The following CAMK4 variants were observed in gnomAD, a reference collection of about 807,000 sequenced individuals.
The protein encoded by CAMK4 is calcium/calmodulin-dependent protein kinase type IV.
A neutral mutation model predicts 44.9 loss-of-function variants in CAMK4; 22 were observed. The observed-to-expected ratio is 0.49, with a 90% CI of 0.35 to 0.70. The LOEUF (loss-of-function observed/expected upper bound fraction) is 0.70. CAMK4 is among the 30% of genes least tolerant of loss of function. CAMK4 has a pLI of 0.01. For synonymous variants in CAMK4, 218 were observed against 215.4 expected, an observed-to-expected ratio of 1.01 and a Z score of -0.11; for missense variants, 498 against 586.8, an observed-to-expected ratio of 0.85 and a Z score of 1.56.
chr5:111,472,497 A>G (rs1755099454), intron 7 of CAMK4, among the ~76,000 whole-genome samples: 1 of 152,152 alleles, frequency 6.6e-6, no homozygotes, highest in African/African-American at 2.4e-5. Context: ...AATTAGGCAA[A>G]CAAATAACAC....
chr5:111,445,448 A>T (rs1753992328), intron 5 of CAMK4, among the ~76,000 whole-genome samples: 1 of 151,582 alleles, frequency 6.6e-6, no homozygotes, highest in Admixed American at 6.6e-5. Flanking sequence ...TTTTCTTTTG[A>T]GACAGGGTCT....
At chr5:111,242,943 G>A (rs565686407) in intron 1 of CAMK4, among the ~76,000 whole-genome samples, 1 of 152,306 alleles carries the variant, frequency 6.6e-6, no homozygotes, top group African/African-American at 2.4e-5. Flanking sequence ...GATGCAGGCA[G>A]CCTGATGCTC....
At chr5:111,238,971 C>G (rs182680141) in intron 1 of CAMK4, among the ~76,000 whole-genome samples, 1 of 151,888 alleles carries the variant, frequency 6.6e-6, no homozygotes, top group African/African-American at 2.4e-5. Context: ...GCATCCGTAC[C>G]TGTTGGCTTT....
chr5:111,408,898 C>A (rs1332421364), intron 5 of CAMK4, among the ~76,000 whole-genome samples: 1 of 152,178 alleles, frequency 6.6e-6, no homozygotes, highest in African/African-American at 2.4e-5. Context: ...TCCTTTGACT[C>A]CTTGTCTCAC....
At chr5:111,314,647 A>G (rs1748346073) in intron 1 of CAMK4, among the ~76,000 whole-genome samples, 1 of 152,096 alleles carries the variant, frequency 6.6e-6, no homozygotes, top group Non-Finnish European at 1.5e-5. Context: ...CACCAATATA[A>G]TGATATACCC....
chr5:111,388,726 C>A (rs1255408127), intron 4 of CAMK4, among the ~76,000 whole-genome samples: 2 of 152,148 alleles, frequency 1.3e-5, no homozygotes, highest in African/African-American at 4.8e-5. Context: ...GTCCAGTTCA[C>A]TACTGAGTGG....
chr5:111,322,642 G>C (rs1748709766), intron 1 of CAMK4, among the ~76,000 whole-genome samples: 1 of 151,932 alleles, frequency 6.6e-6, no homozygotes, highest in Non-Finnish European at 1.5e-5. Context: ...TTGTGACCTA[G>C]AATCAGGGTG....
At chr5:111,476,965 A>T (rs1031810944) in intron 8 of CAMK4, among the ~76,000 whole-genome samples, 2 of 152,214 alleles carry the variant, frequency 1.3e-5, no homozygotes, top group African/African-American at 2.4e-5. Context: ...CTAGATTTTC[A>T]GAAGGGGAAA....
In CAMK4 at chr5:111,482,723, C is replaced by T. The variant is rs3733995; in HGVS notation, c.829-62C>T. On this transcript the variant is annotated intron_variant, in intron 9 of 10. Coordinates refer to ENST00000282356, the MANE Select transcript of CAMK4 (RefSeq NM_001744.6). The surrounding 1 kb of genome is among the most constrained non-coding windows in gnomAD (Gnocchi z 4.9). ...GGAATAAGATCTGGAAGTTTGTAAG[C>T]TGAGGGCAAGCCCAGGTCATCCTAA... 0.18 allele frequency: 248,480 copies of T among 1,350,758 alleles called. 24,773 individuals are homozygous for T. Among genetic ancestry groups the T allele is most frequent in the African/African-American group, 0.25 (16,869 of 67,524 alleles). 83.7% of individuals were successfully genotyped at this position (1,350,758 alleles called of 1,614,324 possible).
chr5:111,281,509 C>G (rs926681409), intron 1 of CAMK4, among the ~76,000 whole-genome samples: 3 of 152,088 alleles, frequency 2.0e-5, no homozygotes, highest in African/African-American at 7.2e-5. Flanking sequence ...CATATCATTC[C>G]TCTCTCTCTA....
At chr5:111,300,517 T>A (rs1207205375) in intron 1 of CAMK4, among the ~76,000 whole-genome samples, 2 of 152,242 alleles carry the variant, frequency 1.3e-5, no homozygotes, top group African/African-American at 4.8e-5. Flanking sequence ...AGAAAAAAAT[T>A]TAAATTAATG....
intron 4 of CAMK4, among the ~76,000 whole-genome samples, chr5:111,392,409 C>T (rs930627833): frequency 6.6e-6 from 1 of 152,150 alleles, no homozygotes; most frequent in African/African-American, 2.4e-5. Context: ...ATGATCCAAT[C>T]ACCTCCCACT....
At chr5:111,471,686 T>A (rs1755071430) in intron 7 of CAMK4, among the ~76,000 whole-genome samples, 1 of 152,216 alleles carries the variant, frequency 6.6e-6, no homozygotes, top group Admixed American at 6.5e-5. Flanking sequence ...ATTGTGAAAT[T>A]CATGCATAAT....
intron 5 of CAMK4, among the ~76,000 whole-genome samples, chr5:111,412,355 C>T (rs73787168): frequency 0.031 from 4,770 of 152,214 alleles, 261 homozygotes; most frequent in African/African-American, 0.11. Flanking sequence ...TAAAAGACTC[C>T]ATGTCTCATT....
At chr5:111,479,522 T>C (rs1325936167) in intron 9 of CAMK4, among the ~76,000 whole-genome samples, 2 of 152,142 alleles carry the variant, frequency 1.3e-5, no homozygotes, top group Admixed American at 1.3e-4. Flanking sequence ...AGGTTAGATA[T>C]AGAAGAGGTC....
intron 4 of CAMK4, among the ~76,000 whole-genome samples, chr5:111,387,325 T>C (rs1751639413): frequency 6.6e-6 from 1 of 152,186 alleles, no homozygotes; most frequent in Non-Finnish European, 1.5e-5. Context: ...TTGGCAAATT[T>C]TTTGAGATGC....
intron 5 of CAMK4, among the ~76,000 whole-genome samples, chr5:111,435,575 C>A (rs1338098317): frequency 6.6e-6 from 1 of 152,172 alleles, no homozygotes; most frequent in East Asian, 1.9e-4. Context: ...GGGCCAAGGT[C>A]AAGATCCCCA....
intron 5 of CAMK4, among the ~76,000 whole-genome samples, chr5:111,412,204 C>A (rs1243530187): frequency 6.6e-6 from 1 of 152,024 alleles, no homozygotes; most frequent in African/African-American, 2.4e-5. Flanking sequence ...AGAAAAGATG[C>A]CACTAATAAG....
rs532042902 is a variant in CAMK4 at position 111,385,414 on chromosome 5, T to C, written c.386+8472T>C. On this transcript the variant is annotated intron_variant, in intron 4 of 10. Coordinates refer to ENST00000282356, the MANE Select transcript of CAMK4 (RefSeq NM_001744.6). ...GAAGGAAGGGCCTATTGTGGCAAAA[T>C]GATGTTCAAAAGCACAATTGTACAC... Among the ~76,000 whole-genome samples the C allele has an allele frequency of 2.0e-5, 3 of 152,144 alleles. No individual in the cohort carries two copies. In the East Asian group the frequency reaches 5.8e-4, roughly 29 times the overall value.
Sources: allele counts gnomAD v4.1 joint callset (sites outside exome capture counted in the v4.1 genomes callset), GRCh38; gene constraint gnomAD v4.1.1; non-coding constraint Gnocchi (gnomAD v3.1); transcripts MANE v1.5; gene names NCBI Gene and HGNC (gene_info 2026-07-23, HGNC 2026-07-21).